BMAL1: variants seen among roughly 807,000 people sequenced by gnomAD.
The protein encoded by BMAL1 is basic helix-loop-helix ARNT-like protein 1.
the BMAL1 span, among the ~76,000 whole-genome samples, chr11:13,344,513 T>A: frequency 6.6e-6 from 1 of 152,232 alleles, no homozygotes; most frequent in Non-Finnish European, 1.5e-5. Flanking sequence ...ACGTAAGGAC[T>A]GCCGATTTCT....
the BMAL1 span, among the ~76,000 whole-genome samples, chr11:13,333,638 C>A: frequency 1.3e-5 from 2 of 152,238 alleles, no homozygotes; most frequent in Admixed American, 6.5e-5. Context: ...GCAGGAGGAT[C>A]CCATCTGCGC....
chr11:13,381,389 T>G, the BMAL1 span: 5 of 803,772 alleles, frequency 6.2e-6, no homozygotes, highest in African/African-American at 8.4e-5. Context: ...TAAATGCATC[T>G]GTGTGAGGCT....
At chr11:13,278,735 G>A in the BMAL1 span, among the ~76,000 whole-genome samples, 1 of 152,260 alleles carries the variant, frequency 6.6e-6, no homozygotes, top group Non-Finnish European at 1.5e-5. Flanking sequence ...CCGGGTGCGG[G>A]CCGGCCTTGG....
At chr11:13,366,927 T>C in the BMAL1 span, 10 of 507,008 alleles carry the variant, frequency 2.0e-5, no homozygotes, top group South Asian at 3.5e-5. Context: ...AGAGCTATCT[T>C]TGGCTAAATG....
the BMAL1 span, among the ~76,000 whole-genome samples, chr11:13,332,607 A>G: frequency 0.034 from 5,223 of 152,314 alleles, 310 homozygotes; most frequent in African/African-American, 0.12. Context: ...AGTTAACACT[A>G]TTTCATGATG....
At chr11:13,365,278 C>T in the BMAL1 span, 300 of 250,774 alleles carry the variant, frequency 1.2e-3, 1 homozygote, top group Admixed American at 0.019. Flanking sequence ...AGATGATATG[C>T]AGAAACACAC....
chr11:13,356,866 A>G, the BMAL1 span: 1 of 1,606,246 alleles, frequency 6.2e-7, no homozygotes, highest in Non-Finnish European at 8.5e-7. Context: ...GGCAGCACCC[A>G]TGTCCTCAAC....
chr11:13,309,340 G>A, the BMAL1 span, among the ~76,000 whole-genome samples: 80 of 152,248 alleles, frequency 5.3e-4, no homozygotes, highest in African/African-American at 1.8e-3. Flanking sequence ...GGGCCAGTTG[G>A]TGCAGGCCCA....
the BMAL1 span, chr11:13,354,190 T>TGCCCC: frequency 4.1e-6 from 2 of 487,472 alleles, no homozygotes; most frequent in Non-Finnish European, 7.1e-6. Flanking sequence ...GCCCCGGGTC[T>TGCCCC]CCCCCCCCGG....
chr11:13,287,402 G>A, the BMAL1 span, among the ~76,000 whole-genome samples: 1 of 152,178 alleles, frequency 6.6e-6, no homozygotes, highest in African/African-American at 2.4e-5. Flanking sequence ...TCACTTTGGA[G>A]CTAGAGGGTG....
At chr11:13,288,436 T>TCTTTCTTTCTTTCTTCTTTCTTTCTTTC in the BMAL1 span, among the ~76,000 whole-genome samples, 1 of 131,450 alleles carries the variant, frequency 7.6e-6, no homozygotes, top group African/African-American at 2.8e-5. Context: ...TTTTTTTTTT[T>TCTTTCTTTCTTTCTTCTTTCTTTCTTTC]TTGTGATGGA....
At chr11:13,379,365 G>A in the BMAL1 span, 1 of 152,168 alleles carries the variant, frequency 6.6e-6, no homozygotes, top group Non-Finnish European at 1.5e-5. Context: ...GAGAATTAGA[G>A]GCTGGCCTGT....
At chr11:13,358,365 T>C in the BMAL1 span, 2 of 1,426,024 alleles carry the variant, frequency 1.4e-6, no homozygotes, top group Non-Finnish European at 9.3e-7. Context: ...ACAACTCATT[T>C]ATTTTTGTCA....
At chr11:13,305,844 A>T in the BMAL1 span, among the ~76,000 whole-genome samples, 1 of 152,160 alleles carries the variant, frequency 6.6e-6, no homozygotes, top group Non-Finnish European at 1.5e-5. Context: ...GTTATTATCT[A>T]CAAGTTTTCT....
At chr11:13,366,632 TG>T in the BMAL1 span, 1 of 1,558,198 alleles carries the variant, frequency 6.4e-7, no homozygotes, top group South Asian at 1.1e-5. Context: ...TGCATGCAAT[TG>T]ACTTGTCATG....
At chr11:13,378,574 C>A in the BMAL1 span, 1 of 1,265,902 alleles carries the variant, frequency 7.9e-7, no homozygotes, top group Non-Finnish European at 1.1e-6. Context: ...GAGGTTGCTA[C>A]TTAAACATCC....
chr11:13,277,358 G>A, the BMAL1 span, among the ~76,000 whole-genome samples: 1 of 152,314 alleles, frequency 6.6e-6, no homozygotes, highest in African/African-American at 2.4e-5. Flanking sequence ...GCGACCCCGA[G>A]GAGCGCGGCT....
At chr11:13,281,638 T>G in the BMAL1 span, among the ~76,000 whole-genome samples, 1 of 151,996 alleles carries the variant, frequency 6.6e-6, no homozygotes, top group Non-Finnish European at 1.5e-5. Context: ...GCCTCCAGAG[T>G]AGCTGAGCCT....
chr11:13,325,657 T>TTTTGTGTG, the BMAL1 span, among the ~76,000 whole-genome samples: 1 of 134,348 alleles, frequency 7.4e-6, no homozygotes, highest in African/African-American at 2.9e-5. Flanking sequence ...TTGAGACCTT[T>TTTTGTGTG]TGTGTGTGTG....
Sources: allele counts gnomAD v4.1 joint callset (sites outside exome capture counted in the v4.1 genomes callset), GRCh38; gene constraint gnomAD v4.1.1; transcripts MANE v1.5; gene names NCBI Gene and HGNC (gene_info 2026-07-23, HGNC 2026-07-21).